The following ESRRG variants were observed in gnomAD, a reference collection of about 807,000 sequenced individuals.
ESRRG encodes the protein estrogen-related receptor gamma.
Under a neutral mutation model 44.0 loss-of-function variants are expected in ESRRG, and 13 were observed. That is an observed-to-expected ratio of 0.30 (90% CI 0.19 to 0.47). The LOEUF (loss-of-function observed/expected upper bound fraction) is 0.47, where lower values mean the gene tolerates loss of function less well. Among genes scored for constraint, ESRRG ranks in the 20% least tolerant of loss-of-function variants. The pLI is 1.00. For synonymous variants in ESRRG, 215 were observed against 214.6 expected (o/e 1.00, Z -0.02); for missense variants, 395 against 580.6 (o/e 0.68, Z 3.29).
chr1:216,564,118 T>A, intron 5 of ESRRG, 101 bp downstream of exon 5: 1 of 610,162 alleles, frequency 1.6e-6, no homozygotes, highest in Non-Finnish European at 2.7e-6. Context: ...AGGGTTTTTT[T>A]AAGTCTAAAT....
intron 1 of ESRRG, among the ~76,000 whole-genome samples, chr1:217,037,378 G>A (rs2083088171): frequency 6.6e-6 from 1 of 152,278 alleles, no homozygotes; most frequent in East Asian, 1.9e-4. Context: ...GGAGGGCAAG[G>A]AGGAGCAAGT....
intron 2 of ESRRG, among the ~76,000 whole-genome samples, chr1:216,669,888 A>C (rs2151380123): frequency 7.3e-6 from 1 of 136,166 alleles, no homozygotes; most frequent in South Asian, 2.2e-4. Flanking sequence ...TCTGTCTCAA[A>C]AAAAAGAAAA....
intron 1 of ESRRG, among the ~76,000 whole-genome samples, chr1:217,080,632 T>TG (rs2091666353): frequency 1.4e-5 from 2 of 145,052 alleles, no homozygotes; most frequent in African/African-American, 4.9e-5. Flanking sequence ...TTCTAGTGTT[T>TG]TTTTGTTTGT....
chr1:216,567,996 T>C lies in ESRRG; in HGVS notation c.692A>G (p.Lys231Arg), dbSNP rs751580504. The C allele has an allele frequency of 6.2e-7, 1 of 1,610,950 alleles. No individual in the cohort carries two copies. Among genetic ancestry groups the C allele is most frequent in the African/African-American group, 1.3e-5 (1 of 74,814 alleles). ...YLNPQLVQPA[K>R]KPYNKIVSHL... ...ACATCTGCTGTACTTACATGGCTTT[T>C]TGGCTGGCTGAACCAGCTGAGGGTT... Residue 231 changes from lysine to arginine, a missense_variant, in exon 4 of 7, where the codon AAA becomes AGA. By Grantham distance (26) the Lys-to-Arg change is conservative (BLOSUM62 2). Transcript: ENST00000408911.
intron 2 of ESRRG, among the ~76,000 whole-genome samples, chr1:216,763,343 T>A (rs1453860590): frequency 6.6e-6 from 1 of 152,128 alleles, no homozygotes; most frequent in African/African-American, 2.4e-5. Context: ...CTTTATTATT[T>A]AGAAAAAACA....
chr1:217,054,288 A>T (rs2151278954), intron 1 of ESRRG, among the ~76,000 whole-genome samples: 1 of 152,308 alleles, frequency 6.6e-6, no homozygotes, highest in African/African-American at 2.4e-5. Context: ...TCTAAAGGTC[A>T]TACTGGGGGG....
At chr1:216,568,723 AC>A (rs1573173861) in intron 3 of ESRRG, among the ~76,000 whole-genome samples, 3 of 152,266 alleles carry the variant, frequency 2.0e-5, no homozygotes, top group African/African-American at 2.4e-5. Flanking sequence ...ATGTGAGAAA[AC>A]TGAGAGCAGG....
rs191278808 is a variant in ESRRG, at chr1:216,884,174, G to C, written c.-14+55408C>G. 2.3e-3 allele frequency among the ~76,000 whole-genome samples: 348 copies of C among 152,238 alleles called. 3 individuals are homozygous for C. Among genetic ancestry groups the C allele is most frequent in the African/African-American group, 8.0e-3 (334 of 41,540 alleles). On this transcript the variant is annotated intron_variant, in intron 2 of 7. Transcript: ENST00000359162. ...CTTAAGGCTCTGCTGCAGGAAACTA[G>C]GTTTGTCAATTTGGTTTTACACTGA...
At chr1:217,016,565 T>C (rs4113088) in intron 1 of ESRRG, among the ~76,000 whole-genome samples, 51,131 of 152,038 alleles carry the variant, frequency 0.34, 9,379 homozygotes, top group African/African-American at 0.46. Context: ...ATCCTCATCA[T>C]CATTGTCATT....
chr1:217,063,522 C>T (rs763919925), intron 1 of ESRRG, among the ~76,000 whole-genome samples: 1 of 152,164 alleles, frequency 6.6e-6, no homozygotes, highest in Non-Finnish European at 1.5e-5. Flanking sequence ...TACCCAACCA[C>T]GTGGGGCCTA....
intron 2 of ESRRG, among the ~76,000 whole-genome samples, chr1:216,820,389 G>A (rs1335369305): frequency 6.6e-6 from 1 of 152,174 alleles, no homozygotes; most frequent in Non-Finnish European, 1.5e-5. Context: ...AACTCATAAA[G>A]GGTTATGTAA....
At chr1:216,917,155 T>A (rs1004663511) in intron 2 of ESRRG, among the ~76,000 whole-genome samples, 2 of 147,456 alleles carry the variant, frequency 1.4e-5, no homozygotes, top group African/African-American at 2.5e-5. Context: ...ATAAATAGAC[T>A]TTCTTTTTTT....
intron 1 of ESRRG, among the ~76,000 whole-genome samples, chr1:217,026,596 C>T (rs956941398): frequency 6.6e-6 from 1 of 152,228 alleles, no homozygotes; most frequent in South Asian, 2.1e-4. Context: ...TGGCTATCCG[C>T]TTGTGGGTAT....
intron 1 of ESRRG, among the ~76,000 whole-genome samples, chr1:216,711,912 T>G (rs984324607): frequency 1.3e-4 from 20 of 152,214 alleles, no homozygotes; most frequent in Admixed American, 3.9e-4. Context: ...TTACTGATAC[T>G]TGACCATTGT....
At chr1:216,702,906 C>G (rs779619847) in intron 1 of ESRRG, among the ~76,000 whole-genome samples, 1 of 151,810 alleles carries the variant, frequency 6.6e-6, no homozygotes, top group Non-Finnish European at 1.5e-5. Context: ...TTCTAATACC[C>G]TAACAGCAGA....
chr1:216,589,350 C>T (rs1208914453), intron 3 of ESRRG, among the ~76,000 whole-genome samples: 3 of 152,230 alleles, frequency 2.0e-5, no homozygotes, highest in East Asian at 1.9e-4. Context: ...TTTCTTAAAA[C>T]ATTATGAGAA....
At chr1:216,978,232 T>TA (rs888453426) in intron 1 of ESRRG, among the ~76,000 whole-genome samples, 7 of 151,966 alleles carry the variant, frequency 4.6e-5, no homozygotes, top group African/African-American at 7.3e-5. Context: ...CCTACCTTTT[T>TA]AAAAAAAAGT....
chr1:216,583,235 A>G (rs1235922687), intron 3 of ESRRG, among the ~76,000 whole-genome samples: 3 of 152,254 alleles, frequency 2.0e-5, no homozygotes, highest in South Asian at 4.1e-4. Flanking sequence ...CCACCAGAAT[A>G]TTAGTATCAT....
chr1:217,063,932 A>G (rs1022672004), intron 1 of ESRRG, among the ~76,000 whole-genome samples: 2 of 151,968 alleles, frequency 1.3e-5, no homozygotes, highest in Admixed American at 1.3e-4. Context: ...GTATGCACCT[A>G]TTATCCAGAA....
Sources: gnomAD v4.1 joint callset for allele counts (sites outside exome capture counted in the v4.1 genomes callset) on GRCh38, gnomAD v4.1.1 for gene constraint, MANE v1.5 for transcripts, NCBI Gene and HGNC (gene_info 2026-07-23, HGNC 2026-07-21) for gene names.